The following HECTD2 variants were observed in gnomAD, a reference collection of about 807,000 sequenced individuals.
HECTD2 encodes probable E3 ubiquitin-protein ligase HECTD2.
A neutral mutation model predicts 103.2 loss-of-function variants in HECTD2; 35 were observed. The observed-to-expected ratio is 0.34, with a 90% CI of 0.26 to 0.45. HECTD2 has a LOEUF of 0.45. Among genes scored for constraint, HECTD2 ranks in the 20% least tolerant of loss-of-function variants. HECTD2 has a pLI of 1.00. For synonymous variants in HECTD2, 281 were observed against 329.9 expected, an observed-to-expected ratio of 0.85 and a Z score of 1.61; for missense variants, 596 against 937.4, an observed-to-expected ratio of 0.64 and a Z score of 4.76.
At chr10:91,421,958 A>G (rs761168414) in intron 1 of HECTD2, among the ~76,000 whole-genome samples, 7 of 152,148 alleles carry the variant, frequency 4.6e-5, no homozygotes, top group Non-Finnish European at 8.8e-5. Context: ...CCAGGCTGTC[A>G]TTCCTCTTCA....
At chr10:91,412,494 C>T (rs1473159955) in intron 1 of HECTD2, among the ~76,000 whole-genome samples, 2 of 147,970 alleles carry the variant, frequency 1.4e-5, no homozygotes, top group Admixed American at 1.3e-4. Flanking sequence ...CTTGCTCTGT[C>T]GCCAGGCTGA....
At chr10:91,474,093 A>G (rs1420287289) in intron 5 of HECTD2, among the ~76,000 whole-genome samples, 1 of 152,232 alleles carries the variant, frequency 6.6e-6, no homozygotes, top group Admixed American at 6.5e-5. Context: ...TGCTCTAAAG[A>G]AAGAGTAGAA....
chr10:91,509,225 G>A (rs1847325343), intron 20 of HECTD2, among the ~76,000 whole-genome samples: 2 of 151,730 alleles, frequency 1.3e-5, no homozygotes, highest in Non-Finnish European at 2.9e-5. Flanking sequence ...GTATACGTAT[G>A]TAACTAACCT....
At chr10:91,474,388 CT>C in intron 5 of HECTD2, among the ~76,000 whole-genome samples, 1 of 152,102 alleles carries the variant, frequency 6.6e-6, no homozygotes, top group East Asian at 1.9e-4. Flanking sequence ...CAAGAGATAC[CT>C]AAAAAGGTTG....
chr10:91,512,106 A>G (rs1847445188), intron 20 of HECTD2, among the ~76,000 whole-genome samples, 158 bp from the exon 21 acceptor site: 1 of 152,216 alleles, frequency 6.6e-6, no homozygotes. Flanking sequence ...AAAGTGAGGT[A>G]CTCAGTAAAT....
At chr10:91,430,518 C>G (rs1843807792) in intron 2 of HECTD2, among the ~76,000 whole-genome samples, 1 of 152,114 alleles carries the variant, frequency 6.6e-6, no homozygotes, top group South Asian at 2.1e-4. Flanking sequence ...GAGTCTAAGT[C>G]TCTTTGTAGG....
intron 20 of HECTD2, among the ~76,000 whole-genome samples, chr10:91,506,690 G>A (rs1483991464): frequency 2.6e-5 from 4 of 151,958 alleles, no homozygotes; most frequent in African/African-American, 9.7e-5. Context: ...AGTTCTACCA[G>A]AGGTACAAGG....
chr10:91,451,441 G>A lies in HECTD2; in HGVS notation c.269-8986G>A, dbSNP rs546285066. ...TGTAGATGACAGGTTGATGGGTGCCGGAAACCACCATGGCATATGTATACC... is the reference window on the plus strand; with the variant it reads ...TGTAGATGACAGGTTGATGGGTGCCAGAAACCACCATGGCATATGTATACC... On this transcript the variant is annotated intron_variant, in intron 2 of 20. Coordinates refer to ENST00000298068, the MANE Select transcript of HECTD2 (RefSeq NM_182765.6). Among the ~76,000 whole-genome samples, 93 of 151,954 alleles carry A rather than the reference G, an allele frequency of 6.1e-4. 2 individuals carry two copies. In the South Asian group the frequency reaches 0.015, roughly 24 times the overall value.
Position 91,512,611 on chromosome 10 carries a change from G to A in HECTD2, c.*227G>A, listed in dbSNP as rs1847466496. The A allele has an allele frequency of 4.2e-6, 2 of 479,308 alleles. No homozygotes were observed. Among genetic ancestry groups the A allele is most frequent in the East Asian group, 6.4e-5 (2 of 31,064 alleles). 29.7% of individuals were successfully genotyped at this position (479,308 alleles called of 1,614,324 possible). The stretch of plus-strand genomic sequence containing the variant: ...AGGAAAAGTCCACATGGCAGAGACA[G>A]GTATGGTCCAGTTCCTCTTTTATAT... On this transcript the variant is annotated 3_prime_UTR_variant, in exon 21 of 21. Coordinates refer to ENST00000298068, the MANE Select transcript of HECTD2 (RefSeq NM_182765.6).
Position 91,500,588 on chromosome 10 carries a change from T to C in HECTD2, c.2037T>C (p.Asp679=), listed in dbSNP as rs1033947333. ...MHALQRSTQY[D]GYAKTDLTIK... Reference sequence around the variant, plus strand: ...CTCTGCAGAGAAGTACTCAGTATGATGGCTATGCAAAAACGGACTTAACTA... The same window carrying C: ...CTCTGCAGAGAAGTACTCAGTATGACGGCTATGCAAAAACGGACTTAACTA... The change falls in exon 19 of 21, where the codon GAT becomes GAC. Residue 679 remains aspartate, a synonymous_variant. Coordinates refer to ENST00000298068, the MANE Select transcript of HECTD2 (RefSeq NM_182765.6). 4 of 1,606,214 alleles carry C rather than the reference T, an allele frequency of 2.5e-6. No individual in the cohort carries two copies. The South Asian group carries it at 3.3e-5, about 13-fold the overall frequency.
At chr10:91,437,042 A>G (rs1427007924) in intron 2 of HECTD2, among the ~76,000 whole-genome samples, 1 of 152,092 alleles carries the variant, frequency 6.6e-6, no homozygotes, top group Admixed American at 6.6e-5. Flanking sequence ...GATAAGGAGT[A>G]TGAGATTCTG....
At chr10:91,485,325 AT>A in intron 10 of HECTD2, 22 bp downstream of exon 10, 1 of 1,561,616 alleles carries the variant, frequency 6.4e-7, no homozygotes, top group Admixed American at 2.0e-5. Context: ...AGTTCCTTTG[AT>A]TATCCACCTA....
At chr10:91,428,972 G>A (rs1445829232) in intron 2 of HECTD2, among the ~76,000 whole-genome samples, 1 of 152,096 alleles carries the variant, frequency 6.6e-6, no homozygotes, top group Non-Finnish European at 1.5e-5. Flanking sequence ...CAAAGGGAAT[G>A]CTTCCAGTTT....
chr10:91,460,612 G>T, intron 3 of HECTD2, 47 bp downstream of exon 3: 3 of 1,527,292 alleles, frequency 2.0e-6, no homozygotes, highest in Non-Finnish European at 2.7e-6. Flanking sequence ...CTGCATGTCA[G>T]CACTTTACAT....
At chr10:91,489,235 G>A (rs553798857) in intron 11 of HECTD2, 9 of 152,094 alleles carry the variant, frequency 5.9e-5, no homozygotes, top group Non-Finnish European at 1.3e-4. Flanking sequence ...GCATGCAAAC[G>A]AATGAGTAGA....
chr10:91,494,956 C>A (rs1408873811), intron 14 of HECTD2, among the ~76,000 whole-genome samples: 1 of 151,818 alleles, frequency 6.6e-6, no homozygotes, highest in East Asian at 1.9e-4. Flanking sequence ...TGAAATTGCT[C>A]ATTGTTTTTT....
At chr10:91,455,695 T>C (rs1274975211) in intron 2 of HECTD2, among the ~76,000 whole-genome samples, 2 of 152,156 alleles carry the variant, frequency 1.3e-5, no homozygotes, top group Admixed American at 1.3e-4. Context: ...CTAGGGTTTT[T>C]ATGGTTTTAG....
At chr10:91,491,353 T>A (rs1357629294) in intron 12 of HECTD2, 46 bp downstream of exon 12, 1 of 851,604 alleles carries the variant, frequency 1.2e-6, no homozygotes, top group South Asian at 1.7e-5. Flanking sequence ...TAAAATTCTA[T>A]AATATGATTA....
chr10:91,512,679 C>T lies in HECTD2; in HGVS notation c.*295C>T, dbSNP rs1045917183. ...CACAAGTAGTTTGTCACAGGCATTCCACTGGGAAAGCAAAGTACAGTGAAG... is the reference window on the plus strand; with the variant it reads ...CACAAGTAGTTTGTCACAGGCATTCTACTGGGAAAGCAAAGTACAGTGAAG... On this transcript the variant is annotated 3_prime_UTR_variant, in exon 21 of 21. Transcript: ENST00000298068. 3.5e-6 allele frequency: 1 copy of T among 282,344 alleles called. No homozygotes were observed. Among genetic ancestry groups the T allele is most frequent in the African/African-American group, 2.2e-5 (1 of 45,906 alleles). The allele number at this position is 282,344 out of a possible 1,614,324, so 17.5% of individuals were successfully genotyped here. A position where few individuals can be genotyped will look rare whatever the true frequency, so the allele number is the denominator to read the frequency against.
Sources: gnomAD v4.1 joint callset for allele counts (sites outside exome capture counted in the v4.1 genomes callset) on GRCh38, gnomAD v4.1.1 for gene constraint, MANE v1.5 for transcripts, NCBI Gene and HGNC (gene_info 2026-07-23, HGNC 2026-07-21) for gene names.